PRUNE2: variants seen among roughly 807,000 people sequenced by gnomAD.
PRUNE2 encodes prune homolog 2 with BCH domain, also known as protein prune homolog 2.
Under a neutral mutation model 252.0 loss-of-function variants are expected in PRUNE2, and 164 were observed. The ratio of observed to expected loss-of-function variants is 0.65; its 90% CI spans 0.57 to 0.74. PRUNE2 has a LOEUF of 0.74. PRUNE2 is among the 30% of genes least tolerant of loss of function. PRUNE2 has a pLI of 0.00. For synonymous variants in PRUNE2, 1,292 were observed against 1,350.2 expected, an observed-to-expected ratio of 0.96 and a Z score of 0.94; for missense variants, 3,495 against 3,711.0, an observed-to-expected ratio of 0.94 and a Z score of 1.51.
chr9:76,629,939 A>G (rs1308384488), intron 15 of PRUNE2, among the ~76,000 whole-genome samples: 1 of 152,120 alleles, frequency 6.6e-6, no homozygotes, highest in Admixed American at 6.5e-5. Flanking sequence ...TTATTATCCT[A>G]TTTTCAAAGA....
chr9:76,699,711 C>T (rs377158252), intron 9 of PRUNE2, among the ~76,000 whole-genome samples: 1 of 152,214 alleles, frequency 6.6e-6, no homozygotes, highest in African/African-American at 2.4e-5. Flanking sequence ...CAGTAGCTAG[C>T]TAGATAGCAA....
Position 76,705,300 on chromosome 9 carries a change from GATA to G in PRUNE2, c.6971_6973del (p.Leu2324del). 6.2e-7 allele frequency: 1 copy of G among 1,614,028 alleles called. No individual in the cohort carries two copies. Among genetic ancestry groups the G allele is most frequent in the Non-Finnish European group, 8.5e-7 (1 of 1,179,896 alleles). On this transcript the variant is annotated inframe_deletion, in exon 8 of 19. Transcript: ENST00000376718. ...AACTGGCGTTTCCGGATGGCCTTCG[GATA>G]ATGTCAGTTTACTCATGTCATCTAT...
At chr9:76,839,452 A>C (rs775439991) in intron 4 of PRUNE2, among the ~76,000 whole-genome samples, 4 of 152,238 alleles carry the variant, frequency 2.6e-5, no homozygotes, top group Non-Finnish European at 5.9e-5. Flanking sequence ...GGCTTATGTA[A>C]ATCATCAAGA....
chr9:76,710,510 T>C lies in PRUNE2; in HGVS notation c.1764A>G (p.Thr588=), dbSNP rs1287195360. The change falls in exon 8 of 19, where the codon ACA becomes ACG. Residue 588 remains threonine, a synonymous_variant. Coordinates refer to ENST00000376718, the MANE Select transcript of PRUNE2 (RefSeq NM_015225.3). ...RDNSERNLSL[T]DFVGDESPSP... ...AAGGGGATTCATCTCCCACAAAATC[T>C]GTCAGGCTCAAATTTCTTTCAGAGT... 1.2e-6 allele frequency: 2 copies of C among 1,613,946 alleles called. No individual in the cohort carries two copies. Among genetic ancestry groups the C allele is most frequent in the Non-Finnish European group, 1.7e-6 (2 of 1,179,912 alleles).
chr9:76,671,991 C>T (rs927897554), intron 9 of PRUNE2, among the ~76,000 whole-genome samples: 5 of 151,710 alleles, frequency 3.3e-5, no homozygotes, highest in African/African-American at 1.2e-4. Flanking sequence ...GAAACTGCAT[C>T]AACTAACGAG....
At chr9:76,816,026 G>A (rs141195350) in intron 6 of PRUNE2, among the ~76,000 whole-genome samples, 2,635 of 152,054 alleles carry the variant, frequency 0.017, 44 homozygotes, top group Middle Eastern at 0.071. Context: ...GCTGGTCGTG[G>A]TGGCGGGCAC....
intron 6 of PRUNE2, among the ~76,000 whole-genome samples, chr9:76,806,159 C>A (rs1054328833): frequency 3.3e-5 from 5 of 152,172 alleles, no homozygotes; most frequent in African/African-American, 7.2e-5. Flanking sequence ...AATATAAATT[C>A]TCAGGCCCCA....
intron 9 of PRUNE2, among the ~76,000 whole-genome samples, chr9:76,682,457 G>A (rs941902659): frequency 5.9e-5 from 9 of 151,518 alleles, no homozygotes; most frequent in African/African-American, 2.2e-4. Context: ...CGCCTCCTGG[G>A]TTCAAGCTAT....
In PRUNE2 at chr9:76,710,388, A is replaced by C; in HGVS notation, c.1886T>G (p.Leu629Arg). The C allele has an allele frequency of 6.2e-7, 1 of 1,613,934 alleles. No individual in the cohort carries two copies. Among genetic ancestry groups the C allele is most frequent in the Admixed American group, 1.7e-5 (1 of 60,016 alleles). ...TTTTTGGGTCATATCTTCTGTATAG[A>C]GTGAGGCTGGTTCTTCAGTGGATGG... ...SSPSTEEPAS[L>R]YTEDMTQKAT... is the part of the protein sequence containing the mutation. The change falls in exon 8 of 19, where the codon CTC (leucine) becomes CGC (arginine). Residue 629 changes from leucine (L) to arginine (R), a missense_variant. Transcript: ENST00000376718.
At chr9:76,663,339 GA>G (rs1476190527) in intron 9 of PRUNE2, among the ~76,000 whole-genome samples, 6 of 152,070 alleles carry the variant, frequency 3.9e-5, no homozygotes, top group African/African-American at 1.5e-4. Context: ...GAAGAGAGAT[GA>G]AGGAGGGAGG....
chr9:76,704,293 C>T (rs1242956728), intron 8 of PRUNE2, among the ~76,000 whole-genome samples, 194 bp from the exon 9 acceptor site: 5 of 150,738 alleles, frequency 3.3e-5, no homozygotes, highest in Admixed American at 6.6e-5. Context: ...GGTGTGATCT[C>T]GGCTCACTGC....
chr9:76,716,402 GA>G (rs1300138642), intron 6 of PRUNE2, among the ~76,000 whole-genome samples: 2 of 152,162 alleles, frequency 1.3e-5, no homozygotes, highest in Non-Finnish European at 2.9e-5. Flanking sequence ...GTTGAAATCT[GA>G]AAAGCACTAC....
At chr9:76,700,351 G>T (rs982522109) in intron 9 of PRUNE2, 2 of 152,106 alleles carry the variant, frequency 1.3e-5, no homozygotes, top group African/African-American at 4.8e-5. Flanking sequence ...CTTGATTTTG[G>T]ATCTTCTGTT....
At chr9:76,662,050 C>A (rs2039190613) in intron 9 of PRUNE2, among the ~76,000 whole-genome samples, 1 of 152,090 alleles carries the variant, frequency 6.6e-6, no homozygotes, top group Admixed American at 6.6e-5. Context: ...AGTAACCAAA[C>A]AATAAAGCCC....
chr9:76,824,969 G>A (rs1381601934), intron 5 of PRUNE2, among the ~76,000 whole-genome samples: 1 of 152,180 alleles, frequency 6.6e-6, no homozygotes, highest in Non-Finnish European at 1.5e-5. Flanking sequence ...ACAAGGACAT[G>A]CACATCTATG....
rs137974838 is a variant in PRUNE2 at position 76,686,088 on chromosome 9, C to CG, written c.8276+17248dup. Among the ~76,000 whole-genome samples, 587 of 152,338 alleles carry CG rather than the reference C, an allele frequency of 3.9e-3. 5 individuals are homozygous for CG. The highest frequency in any genetic ancestry group is 0.014 in the African/African-American group (565 of 41,568). On this transcript the variant is annotated intron_variant, in intron 9 of 18. Coordinates refer to ENST00000376718, the MANE Select transcript of PRUNE2 (RefSeq NM_015225.3). ...CTGAGGGATACATTCAGTAATCATA[C>CG]GGCTCTGCCAACCTCTTGGGGAGAA...
At chr9:76,811,101 G>A (rs113235999) in intron 6 of PRUNE2, among the ~76,000 whole-genome samples, 5 of 152,162 alleles carry the variant, frequency 3.3e-5, no homozygotes, top group African/African-American at 1.2e-4. Flanking sequence ...ACACTAGGCA[G>A]CTAAAACTGG....
At chr9:76,886,677 A>AT (rs2133396291) in intron 1 of PRUNE2, among the ~76,000 whole-genome samples, 1 of 152,316 alleles carries the variant, frequency 6.6e-6, no homozygotes, top group South Asian at 2.1e-4. Context: ...ATTTTAAAGG[A>AT]TTTTCACTCC....
intron 6 of PRUNE2, chr9:76,759,695 C>T (rs2051507120): frequency 6.6e-6 from 1 of 152,256 alleles, no homozygotes; most frequent in South Asian, 2.1e-4. Flanking sequence ...TCAATTTATC[C>T]ATGTGGCCTG....
Sources: gnomAD v4.1 joint callset for allele counts (sites outside exome capture counted in the v4.1 genomes callset) on GRCh38, gnomAD v4.1.1 for gene constraint, MANE v1.5 for transcripts, NCBI Gene and HGNC (gene_info 2026-07-23, HGNC 2026-07-21) for gene names.